Variants in SNX29 observed in about 807,000 individuals in gnomAD.
The protein encoded by SNX29 is sorting nexin 29.
In SNX29, 78 loss-of-function variants were observed where a neutral mutation model predicts 102.1. The observed-to-expected ratio is 0.76, with a 90% CI of 0.64 to 0.92. The LOEUF (loss-of-function observed/expected upper bound fraction) is 0.92, where lower values mean the gene tolerates loss of function less well. Among genes scored for constraint, SNX29 ranks in the 40% least tolerant of loss-of-function variants. The pLI is 0.00. For missense variants in SNX29, 1,280 were observed against 1,061.7 expected (o/e 1.21, Z -2.86); for synonymous variants, 580 against 414.5 (o/e 1.40, Z -4.85).
At chr16:12,351,218 C>T (rs965925643) in intron 15 of SNX29, among the ~76,000 whole-genome samples, 5 of 152,176 alleles carry the variant, frequency 3.3e-5, no homozygotes, top group South Asian at 2.1e-4. Context: ...GTTGGTGCTC[C>T]GGAGTGTGTG....
intron 18 of SNX29, among the ~76,000 whole-genome samples, chr16:12,436,303 T>C (rs767694261): frequency 2.0e-5 from 3 of 152,080 alleles, no homozygotes; most frequent in Non-Finnish European, 2.9e-5. Flanking sequence ...TCACAGACGT[T>C]TCTATTCGGA....
intron 9 of SNX29, among the ~76,000 whole-genome samples, chr16:12,063,370 T>A (rs1439478229): frequency 4.7e-5 from 2 of 42,488 alleles, no homozygotes; most frequent in East Asian, 9.3e-4. Flanking sequence ...GTCCATCTTT[T>A]TTTTTTTTTT....
intron 19 of SNX29, among the ~76,000 whole-genome samples, chr16:12,484,065 A>C (rs2088106582): frequency 6.6e-6 from 1 of 152,182 alleles, no homozygotes; most frequent in Non-Finnish European, 1.5e-5. Flanking sequence ...AAAACTATAC[A>C]TGCCTGTCCC....
intron 18 of SNX29, among the ~76,000 whole-genome samples, chr16:12,411,103 C>T (rs181486710): frequency 6.6e-6 from 1 of 152,340 alleles, no homozygotes; most frequent in Non-Finnish European, 1.5e-5. Context: ...TCTGAGAAGC[C>T]TCTGCCTTAG....
In SNX29 at chr16:12,570,199, C is replaced by T. The variant is rs1160126795; in HGVS notation, c.*1570C>T. On this transcript the variant is annotated 3_prime_UTR_variant, in exon 21 of 21. Transcript: ENST00000566228. The stretch of plus-strand genomic sequence containing the variant: ...GAAACCGAGTCAGCCTACATGACTT[C>T]CAAGGGGACCTGGGGCCAGATAAGC... The T allele has an allele frequency of 9.4e-7, 1 of 1,065,450 alleles. No individual in the cohort carries two copies. Among genetic ancestry groups the T allele is most frequent in the South Asian group, 4.5e-5 (1 of 21,994 alleles). 66.0% of individuals were successfully genotyped at this position (1,065,450 alleles called of 1,614,324 possible).
chr16:12,088,052 C>G (rs905202234), intron 11 of SNX29: 4 of 456,560 alleles, frequency 8.8e-6, no homozygotes, highest in African/African-American at 6.0e-5. Flanking sequence ...GCTTGTGTCT[C>G]TAGGCTAGGC....
intron 18 of SNX29, among the ~76,000 whole-genome samples, chr16:12,418,774 C>G (rs1261590566): frequency 2.0e-5 from 3 of 152,308 alleles, no homozygotes; most frequent in Middle Eastern, 6.8e-3. Context: ...CTTGGCCTCC[C>G]AAAGTGCTGG....
chr16:12,331,744 G>A (rs967866736), intron 15 of SNX29, among the ~76,000 whole-genome samples: 1 of 152,144 alleles, frequency 6.6e-6, no homozygotes, highest in Non-Finnish European at 1.5e-5. Context: ...TAGAGATGTC[G>A]TTTCACCATG....
At chr16:12,565,615 G>A (rs568640786) in intron 20 of SNX29, among the ~76,000 whole-genome samples, 2 of 152,292 alleles carry the variant, frequency 1.3e-5, no homozygotes, top group South Asian at 2.1e-4. Context: ...GGACTTCCCA[G>A]GTGCCAGGCA....
intron 18 of SNX29, among the ~76,000 whole-genome samples, chr16:12,407,298 G>A (rs529316824): frequency 6.6e-6 from 1 of 151,614 alleles, no homozygotes; most frequent in Non-Finnish European, 1.5e-5. Context: ...ATTGCCTTTG[G>A]CAGGTGACAA....
chr16:12,545,178 C>G (rs1255739183), intron 20 of SNX29, among the ~76,000 whole-genome samples: 6 of 152,114 alleles, frequency 3.9e-5, no homozygotes. Flanking sequence ...GTCAGAGAAA[C>G]AAATATGGTC....
intron 14 of SNX29, among the ~76,000 whole-genome samples, chr16:12,246,292 G>C (rs1182056840): frequency 6.6e-6 from 1 of 152,054 alleles, no homozygotes; most frequent in Non-Finnish European, 1.5e-5. Context: ...GTCACAGTTG[G>C]GACTAGTCTC....
intron 18 of SNX29, among the ~76,000 whole-genome samples, chr16:12,433,405 T>C (rs75555448): frequency 0.04 from 6,034 of 151,936 alleles, 305 homozygotes; most frequent in East Asian, 0.29. Context: ...CTGAGGTGGG[T>C]GGACCACCTG....
At chr16:12,333,869 C>T (rs573915237) in intron 15 of SNX29, among the ~76,000 whole-genome samples, 7 of 152,222 alleles carry the variant, frequency 4.6e-5, no homozygotes, top group Non-Finnish European at 5.9e-5. Context: ...CTCAGAGACC[C>T]GAATGGAGAA....
At position 12,069,093 on chromosome 16, in the gene SNX29, C is replaced by T. The variant is rs1295835186; in HGVS notation, c.1280C>T (p.Pro427Leu). ...GGAAGCCTGGAGAACGGGACAGGAC[C>T]AGAGGACCACGTTCTCCCAGATCCT... ...PLGSLENGTGPEDHVLPDPGL... is the reference protein window; with the variant it reads ...PLGSLENGTGLEDHVLPDPGL... The change falls in exon 10 of 21, where the codon CCA becomes CTA. Residue 427 changes from proline to leucine, a missense_variant. Physicochemically the swap from Pro to Leu is moderately conservative, Grantham distance 98. Coordinates refer to ENST00000566228, the MANE Select transcript of SNX29 (RefSeq NM_032167.5). The T allele has an allele frequency of 4.3e-6, 7 of 1,613,664 alleles. No individual in the cohort carries two copies. The Admixed American group carries it at 1.2e-4, about 27-fold the overall frequency.
At chr16:12,053,942 C>G (rs1430706306) in intron 8 of SNX29, among the ~76,000 whole-genome samples, 2 of 151,438 alleles carry the variant, frequency 1.3e-5, no homozygotes, top group Admixed American at 6.6e-5. Flanking sequence ...TTCAGGTATG[C>G]TGTAATCCAA....
At chr16:12,277,208 T>G (rs1372674294) in intron 14 of SNX29, among the ~76,000 whole-genome samples, 1 of 152,064 alleles carries the variant, frequency 6.6e-6, no homozygotes, top group African/African-American at 2.4e-5. Context: ...GTCAACATGG[T>G]GAGACCTTGT....
intron 16 of SNX29, among the ~76,000 whole-genome samples, chr16:12,394,372 G>T (rs1402770528): frequency 6.6e-6 from 1 of 152,206 alleles, no homozygotes; most frequent in Non-Finnish European, 1.5e-5. Flanking sequence ...AGGCTCTGGA[G>T]CCAGACCACC....
intron 14 of SNX29, among the ~76,000 whole-genome samples, chr16:12,229,178 C>G (rs182795829): frequency 2.6e-5 from 4 of 152,330 alleles, no homozygotes; most frequent in Admixed American, 2.6e-4. Context: ...CTGGTTTGAA[C>G]TTGTTTTCGG....
Sources: gnomAD v4.1 joint callset for allele counts (sites outside exome capture counted in the v4.1 genomes callset) on GRCh38, gnomAD v4.1.1 for gene constraint, MANE v1.5 for transcripts, NCBI Gene and HGNC (gene_info 2026-07-23, HGNC 2026-07-21) for gene names.